TMEM123: variants seen among roughly 807,000 people sequenced by gnomAD.
TMEM123 encodes porimin.
Under a neutral mutation model 19.7 loss-of-function variants are expected in TMEM123, and 16 were observed. That is an observed-to-expected ratio of 0.81 (90% confidence interval 0.55 to 1.23). The LOEUF (loss-of-function observed/expected upper bound fraction) is 1.23. Among genes scored for constraint, TMEM123 ranks in the 50% most tolerant of loss-of-function variants. The pLI is 0.00. For synonymous variants in TMEM123, 118 were observed against 99.4 expected (o/e 1.19, Z -1.12); for missense variants, 313 against 257.8 (o/e 1.21, Z -1.47).
In TMEM123 at chr11:102,403,997, A is replaced by G. The variant is rs76047971; in HGVS notation, c.158-1791T>C. ...CAGCCTGCAGAACCTTGAGCTAAAT[A>G]AACATTTTCTTTATCAATTACCTAG... On this transcript the variant is annotated intron_variant, in intron 2 of 4. Transcript: ENST00000398136. Among the ~76,000 whole-genome samples, 657 of 152,302 alleles carry G rather than the reference A, an allele frequency of 4.3e-3. 1 individual carries two copies. Among genetic ancestry groups the G allele is most frequent in the African/African-American group, 0.015 (635 of 41,560 alleles).
At chr11:102,407,323 C>T (rs1042597130) in intron 2 of TMEM123, among the ~76,000 whole-genome samples, 1 of 152,180 alleles carries the variant, frequency 6.6e-6, no homozygotes, top group Non-Finnish European at 1.5e-5. Context: ...AGGAGCTGCA[C>T]CCTACTAAAT....
chr11:102,400,039 C>T (rs1338610357), intron 4 of TMEM123, among the ~76,000 whole-genome samples: 1 of 152,054 alleles, frequency 6.6e-6, no homozygotes, highest in African/African-American at 2.4e-5. Context: ...CTGTTAGATC[C>T]AATTTTCATT....
intron 4 of TMEM123, 26 bp from the exon 5 acceptor site, chr11:102,398,917 AC>A (rs1305365178): frequency 6.3e-7 from 1 of 1,598,374 alleles, no homozygotes; most frequent in East Asian, 2.2e-5. Flanking sequence ...AGTTACAATT[AC>A]TTTGTTTTGT....
intron 2 of TMEM123, among the ~76,000 whole-genome samples, chr11:102,442,808 G>A (rs920134373): frequency 1.3e-5 from 2 of 152,172 alleles, no homozygotes; most frequent in Admixed American, 6.5e-5. Flanking sequence ...CATCATCTCA[G>A]CCCCAAATCT....
intron 2 of TMEM123, among the ~76,000 whole-genome samples, chr11:102,431,757 CA>C (rs1185705568): frequency 1.3e-5 from 2 of 152,182 alleles, no homozygotes; most frequent in Admixed American, 6.5e-5. Flanking sequence ...TGTCCCCACC[CA>C]AATCTCATCT....
At chr11:102,414,025 TTTGA>T (rs1952025486) in intron 2 of TMEM123, among the ~76,000 whole-genome samples, 1 of 152,120 alleles carries the variant, frequency 6.6e-6, no homozygotes, top group Non-Finnish European at 1.5e-5. Context: ...ACCTAACTGA[TTTGA>T]TAGAGTTGAA....
intron 2 of TMEM123, among the ~76,000 whole-genome samples, chr11:102,405,664 T>TTTCGGATTCAACACACACACACA: frequency 6.6e-6 from 1 of 152,142 alleles, no homozygotes; most frequent in Non-Finnish European, 1.5e-5. Context: ...ACAATGCTGC[T>TTTCGGATTCAACACACACACACA]TTCGGATTCA....
At position 102,418,625 on chromosome 11, in the gene TMEM123, T is replaced by G. The variant is rs185199090; in HGVS notation, c.158-16419A>C. Among the ~76,000 whole-genome samples the G allele has an allele frequency of 3.9e-5, 6 of 152,318 alleles. No homozygotes were observed. The East Asian group carries it at 1.2e-3, about 29-fold the overall frequency. On this transcript the variant is annotated intron_variant, in intron 2 of 4. Transcript: ENST00000398136. Reference sequence around the variant, plus strand: ...TGAAGATTTCACAAAGAACTTACAATAGAACTACCATTTGACCTAGCAATC... The same window carrying G: ...TGAAGATTTCACAAAGAACTTACAAGAGAACTACCATTTGACCTAGCAATC...
intron 2 of TMEM123, among the ~76,000 whole-genome samples, chr11:102,439,058 T>C (rs1171160358): frequency 6.6e-6 from 1 of 152,160 alleles, no homozygotes; most frequent in Admixed American, 6.5e-5. Context: ...CCGCCAGTGC[T>C]GAGGCTTGAG....
chr11:102,409,352 A>G (rs1951982616), intron 2 of TMEM123, among the ~76,000 whole-genome samples: 1 of 152,136 alleles, frequency 6.6e-6, no homozygotes, highest in Admixed American at 6.6e-5. Context: ...TTAAAACATG[A>G]AAACCTTGAG....
chr11:102,402,275 A>T (rs541837676), intron 2 of TMEM123, 69 bp from the exon 3 acceptor site: 155 of 1,497,028 alleles, frequency 1.0e-4, no homozygotes, highest in Admixed American at 1.0e-3. Context: ...TTTCACTGAG[A>T]CTTTCATGGT....
At chr11:102,428,567 A>T (rs1952148624) in intron 2 of TMEM123, among the ~76,000 whole-genome samples, 1 of 151,750 alleles carries the variant, frequency 6.6e-6, no homozygotes, top group South Asian at 2.1e-4. Flanking sequence ...TTGGCCTCGC[A>T]AAGTGCTGGG....
At chr11:102,404,398 C>G (rs188195661) in intron 2 of TMEM123, among the ~76,000 whole-genome samples, 1 of 152,058 alleles carries the variant, frequency 6.6e-6, no homozygotes, top group Admixed American at 6.6e-5. Context: ...ATTCTCGTGC[C>G]TCAGCCTACT....
At chr11:102,425,447 G>A (rs1446102267) in intron 2 of TMEM123, among the ~76,000 whole-genome samples, 1 of 151,578 alleles carries the variant, frequency 6.6e-6, no homozygotes, top group Non-Finnish European at 1.5e-5. Context: ...CCTCACCACT[G>A]TTCATGTTGT....
rs1292928534 is a variant in TMEM123 at position 102,401,998 on chromosome 11, T to C, written c.366A>G (p.Ser122=). Residue 122 remains serine, a synonymous_variant, in exon 3 of 5, where the codon TCA becomes TCG. Transcript: ENST00000398136. ...LKSTPKTTSV[S]QNTSQISTST... is the part of the protein sequence containing the mutation. ...ATGTTGATATCTGAGATGTGTTCTGTGAAACACTTGTTGTTTTGGGTGTAG... is the reference window on the plus strand; with the variant it reads ...ATGTTGATATCTGAGATGTGTTCTGCGAAACACTTGTTGTTTTGGGTGTAG... 2.5e-6 allele frequency: 4 copies of C among 1,614,092 alleles called. No individual in the cohort carries two copies. Among genetic ancestry groups the C allele is most frequent in the Non-Finnish European group, 3.4e-6 (4 of 1,180,032 alleles).
At chr11:102,422,374 T>C (rs944119801) in intron 2 of TMEM123, among the ~76,000 whole-genome samples, 2 of 152,112 alleles carry the variant, frequency 1.3e-5, no homozygotes, top group Non-Finnish European at 2.9e-5. Context: ...CTCGGGAGGC[T>C]GAGGCAGGAG....
rs772815704 is a variant in TMEM123 at position 102,452,645 on chromosome 11, C to T, written c.-22G>A. The T allele has an allele frequency of 7.8e-5, 115 of 1,480,424 alleles. 1 individual carries two copies. The highest frequency in any genetic ancestry group is 2.7e-6 in the Non-Finnish European group (3 of 1,111,798). 91.7% of individuals were successfully genotyped at this position (1,480,424 alleles called of 1,614,324 possible). A position where few individuals can be genotyped will look rare whatever the true frequency, so the allele number is the denominator to read the frequency against. ...CCATTGTTCCGAGGGCAGGATGCGGCAGCCTCGTGGGCTCCCAGCCGAGGT... is the reference window on the plus strand; with the variant it reads ...CCATTGTTCCGAGGGCAGGATGCGGTAGCCTCGTGGGCTCCCAGCCGAGGT... On this transcript the variant is annotated 5_prime_UTR_variant, in exon 1 of 5. Transcript: ENST00000398136.
At chr11:102,430,242 A>T (rs1857681960) in intron 2 of TMEM123, among the ~76,000 whole-genome samples, 1 of 152,236 alleles carries the variant, frequency 6.6e-6, no homozygotes, top group African/African-American at 2.4e-5. Flanking sequence ...TAAGGCTGGT[A>T]TAGCAAGCAA....
intron 3 of TMEM123, 40 bp downstream of exon 3, chr11:102,401,876 C>T (rs376259866): frequency 1.3e-5 from 21 of 1,588,410 alleles, no homozygotes; most frequent in Non-Finnish European, 1.8e-5. Context: ...CATTTAACTA[C>T]TTGCAGCATA....
Sources: allele counts gnomAD v4.1 joint callset (sites outside exome capture counted in the v4.1 genomes callset), GRCh38; gene constraint gnomAD v4.1.1; transcripts MANE v1.5; gene names NCBI Gene and HGNC (gene_info 2026-07-23, HGNC 2026-07-21).